ANXA11: variants seen among roughly 807,000 people sequenced by gnomAD.
The protein encoded by ANXA11 is 56 kDa autoantigen.
ANXA11 carries 57 observed loss-of-function variants against 64.7 expected under a neutral mutation model. The ratio of observed to expected loss-of-function variants is 0.88; its 90% CI spans 0.71 to 1.10. The LOEUF (loss-of-function observed/expected upper bound fraction) is 1.10, where lower values mean the gene tolerates loss of function less well. Among genes scored for constraint, ANXA11 ranks in the 50% least tolerant of loss-of-function variants. ANXA11 has a pLI of 0.00. For synonymous variants in ANXA11, 260 were observed against 265.2 expected, an observed-to-expected ratio of 0.98 and a Z score of 0.19; for missense variants, 675 against 670.7, an observed-to-expected ratio of 1.01 and a Z score of -0.07.
chr10:80,159,231 A>C, intron 12 of ANXA11, 36 bp from the exon 13 acceptor site: 2 of 1,555,648 alleles, frequency 1.3e-6, no homozygotes, highest in Non-Finnish European at 1.8e-6. Flanking sequence ...TATGAACTGA[A>C]ATGTGTCTCC....
At chr10:80,196,571 A>C (rs146186631) in intron 1 of ANXA11, among the ~76,000 whole-genome samples, 1,570 of 152,212 alleles carry the variant, frequency 0.01, 29 homozygotes, top group African/African-American at 0.036. Flanking sequence ...TGTGAGTGGG[A>C]GTATGAACAT....
At chr10:80,190,200 C>T (rs1343291333) in intron 1 of ANXA11, among the ~76,000 whole-genome samples, 1 of 152,172 alleles carries the variant, frequency 6.6e-6, no homozygotes, top group Non-Finnish European at 1.5e-5. Flanking sequence ...ATGACTGTTG[C>T]ACAACGAAGT....
At chr10:80,178,698 G>A (rs888722389) in intron 1 of ANXA11, among the ~76,000 whole-genome samples, 1 of 152,212 alleles carries the variant, frequency 6.6e-6, no homozygotes, top group African/African-American at 2.4e-5. Flanking sequence ...AGTGTCTCTG[G>A]GGCAGGGCCC....
chr10:80,196,389 C>T (rs1169121471), intron 1 of ANXA11, among the ~76,000 whole-genome samples: 1 of 152,190 alleles, frequency 6.6e-6, no homozygotes, highest in African/African-American at 2.4e-5. Flanking sequence ...GCCCTTGACA[C>T]ATACTGAATA....
In ANXA11 at chr10:80,174,804, G is replaced by A. The variant is rs369631596; in HGVS notation, c.-9+1303C>T. On this transcript the variant is annotated intron_variant, in intron 2 of 15. Transcript: ENST00000422982. ...ACTCCTGGCCTCAAGTGATCTGCCC[G>A]CTGCGGCCTCCCACAGTGCTGGGAT... 3.9e-5 allele frequency among the ~76,000 whole-genome samples: 6 copies of A among 152,294 alleles called. No homozygotes were observed. The South Asian group carries it at 6.2e-4, about 16-fold the overall frequency.
chr10:80,170,051 C>T (rs908905344), intron 4 of ANXA11, among the ~76,000 whole-genome samples: 17 of 152,170 alleles, frequency 1.1e-4, no homozygotes, highest in Admixed American at 5.2e-4. Flanking sequence ...ATTATCCTTA[C>T]ATCACCCCAC....
rs1353544674 is a variant in ANXA11, at chr10:80,155,036, G to C, written c.*817C>G. 1 of 152,430 alleles carries C rather than the reference G, an allele frequency of 6.6e-6. No homozygotes were observed. Among genetic ancestry groups the C allele is most frequent in the Non-Finnish European group, 1.5e-5 (1 of 68,036 alleles). The allele number at this position is 152,430 out of a possible 1,614,324, so 9.4% of individuals were successfully genotyped here. A position where few individuals can be genotyped will look rare whatever the true frequency, so the allele number is the denominator to read the frequency against. ...TTCCTGCACACAAATCTCTACGTAAGGTTACATGAACTTTCACTGGCTGAT... is the reference window on the plus strand; with the variant it reads ...TTCCTGCACACAAATCTCTACGTAACGTTACATGAACTTTCACTGGCTGAT... On this transcript the variant is annotated 3_prime_UTR_variant, in exon 16 of 16. Coordinates refer to ENST00000422982, the MANE Select transcript of ANXA11 (RefSeq NM_145868.2).
rs536614237 is a variant in ANXA11, at chr10:80,168,256, G to GA, written c.561+712_561+713insT. The stretch of plus-strand genomic sequence containing the variant: ...TCCTCCAAAACCTGTCTGTGCCGGG[G>GA]GGGGCGGGGGTGGTGCATATCAAGG... On this transcript the variant is annotated intron_variant, in intron 5 of 15. Transcript: ENST00000422982. 3.3e-4 allele frequency among the ~76,000 whole-genome samples: 49 copies of GA among 147,170 alleles called. 1 individual carries two copies. The South Asian group carries it at 0.01, about 31-fold the overall frequency.
In ANXA11 at chr10:80,158,002, C is replaced by A. The variant is rs765293205; in HGVS notation, c.1300G>T (p.Ala434Ser). Reference sequence around the variant, plus strand: ...TTGTTGAGCCTCTCCGCAAAGAAGGCTGGGGTATTCTTGAGACATTTCACT... The same window carrying A: ...TTGTTGAGCCTCTCCGCAAAGAAGGATGGGGTATTCTTGAGACATTTCACT... ...AVVKCLKNTPAFFAERLNKAM... is the reference protein window; with the variant it reads ...AVVKCLKNTPSFFAERLNKAM... Residue 434 changes from alanine (A) to serine (S), a missense_variant, in exon 14 of 16, where the codon GCC becomes TCC. By Grantham distance (99) the Ala-to-Ser change is moderately conservative. Coordinates refer to ENST00000422982, the MANE Select transcript of ANXA11 (RefSeq NM_145868.2). The A allele has an allele frequency of 3.1e-6, 5 of 1,614,116 alleles. No homozygotes were observed. In the South Asian group the frequency reaches 5.5e-5, roughly 18 times the overall value.
chr10:80,174,029 C>T (rs1455109275), intron 2 of ANXA11, among the ~76,000 whole-genome samples: 2 of 152,200 alleles, frequency 1.3e-5, no homozygotes, highest in African/African-American at 4.8e-5. Flanking sequence ...AGCTGCCCTT[C>T]ATATCTATCT....
intron 1 of ANXA11, among the ~76,000 whole-genome samples, chr10:80,203,343 C>G (rs1180491329): frequency 6.6e-6 from 1 of 152,152 alleles, no homozygotes; most frequent in African/African-American, 2.4e-5. Flanking sequence ...CACATCCACC[C>G]AGGGTGGGCC....
chr10:80,174,573 GGCC>G (rs2132432530), intron 2 of ANXA11, among the ~76,000 whole-genome samples: 1 of 147,282 alleles, frequency 6.8e-6, no homozygotes, highest in African/African-American at 2.5e-5. Flanking sequence ...CACCATGCCT[GGCC>G]TACTTTTATT....
intron 1 of ANXA11, among the ~76,000 whole-genome samples, chr10:80,199,943 TG>T (rs772931650): frequency 3.3e-5 from 5 of 152,208 alleles, no homozygotes; most frequent in Non-Finnish European, 5.9e-5. Context: ...TTCTGACTTC[TG>T]GCCCTGAGAA....
At chr10:80,177,523 C>G (rs1302071513) in intron 1 of ANXA11, among the ~76,000 whole-genome samples, 1 of 152,122 alleles carries the variant, frequency 6.6e-6, no homozygotes, top group African/African-American at 2.4e-5. Flanking sequence ...CATCTTCCCC[C>G]TCTCTCTCAG....
Position 80,166,038 on chromosome 10 carries a change from GCGCGCACACA to G in ANXA11, c.858+36_858+45del, listed in dbSNP as rs768005728. The G allele has an allele frequency of 9.7e-5, 54 of 557,496 alleles. No homozygotes were observed. The African/African-American group carries it at 1.3e-3, about 13-fold the overall frequency. 34.5% of individuals were successfully genotyped at this position (557,496 alleles called of 1,614,324 possible). ...CACGCATGCGCGCGTGCGCACACAC[GCGCGCACACA>G]CACACACACACACACACACACACAC... On this transcript the variant is annotated intron_variant, in intron 8 of 15. Transcript: ENST00000422982.
chr10:80,158,144 T>C, intron 13 of ANXA11, 119 bp from the exon 14 acceptor site: 1 of 870,282 alleles, frequency 1.1e-6, no homozygotes, highest in Non-Finnish European at 1.9e-6. Context: ...TGCATCCATC[T>C]TTTCTCCTCC....
chr10:80,159,265 C>A, intron 12 of ANXA11, 70 bp from the exon 13 acceptor site: 1 of 1,249,524 alleles, frequency 8.0e-7, no homozygotes, highest in Non-Finnish European at 1.2e-6. Context: ...GTGGAAGTCC[C>A]AACTCCCAGG....
At chr10:80,194,525 G>A (rs554770182) in intron 1 of ANXA11, among the ~76,000 whole-genome samples, 1 of 22,408 alleles carries the variant, frequency 4.5e-5, no homozygotes, top group Non-Finnish European at 8.4e-5. Context: ...AGGAAGAGTC[G>A]GGGGGGGAAG....
chr10:80,170,480 T>C (rs540324333), intron 4 of ANXA11, among the ~76,000 whole-genome samples: 12 of 152,344 alleles, frequency 7.9e-5, no homozygotes, highest in African/African-American at 2.2e-4. Context: ...TGGATACTCA[T>C]ACATAGCACG....
Sources: allele counts gnomAD v4.1 joint callset (sites outside exome capture counted in the v4.1 genomes callset), GRCh38; gene constraint gnomAD v4.1.1; transcripts MANE v1.5; gene names NCBI Gene and HGNC (gene_info 2026-07-23, HGNC 2026-07-21).